CHLSN: variants seen among roughly 807,000 people sequenced by gnomAD.
CHLSN encodes the protein cholesin.
the CHLSN span, among the ~76,000 whole-genome samples, chr7:1,038,220 C>A: frequency 2.2e-5 from 2 of 91,406 alleles, no homozygotes; most frequent in African/African-American, 4.0e-5. Context: ...GGTCAGCCCC[C>A]CCGACCGGCC....
At chr7:1,068,436 G>A in the CHLSN span, among the ~76,000 whole-genome samples, 18 of 152,132 alleles carry the variant, frequency 1.2e-4, no homozygotes, top group South Asian at 4.1e-4. Flanking sequence ...GAGAAACAGC[G>A]CTGAGTTGGA....
At chr7:1,088,745 G>C in the CHLSN span, among the ~76,000 whole-genome samples, 1 of 152,172 alleles carries the variant, frequency 6.6e-6, no homozygotes, top group South Asian at 2.1e-4. The surrounding 1 kb of genome is among the most constrained non-coding windows in gnomAD (Gnocchi z 4.5). Flanking sequence ...ACTAAAGTGT[G>C]GCTTTATTTC....
chr7:1,022,030 C>T, the CHLSN span, among the ~76,000 whole-genome samples: 1 of 152,314 alleles, frequency 6.6e-6, no homozygotes, highest in African/African-American at 2.4e-5. Context: ...ACAGGCGTGG[C>T]GCCTGGGCCA....
At chr7:985,943 G>T in the CHLSN span, among the ~76,000 whole-genome samples, 2 of 152,124 alleles carry the variant, frequency 1.3e-5, no homozygotes, top group African/African-American at 4.8e-5. Context: ...GCGAGAGCAG[G>T]GGGCACAGCT....
the CHLSN span, chr7:988,651 TG>T: frequency 7.8e-5 from 125 of 1,601,852 alleles, no homozygotes; most frequent in Non-Finnish European, 9.2e-5. Context: ...GCGTCTGTGT[TG>T]GGGAGCGCCT....
the CHLSN span, chr7:986,854 AGG>A: frequency 1.4e-6 from 2 of 1,445,860 alleles, no homozygotes; most frequent in Non-Finnish European, 9.1e-7. Flanking sequence ...GGGACACCCC[AGG>A]GGAGCACGGC....
the CHLSN span, chr7:1,056,195 G>A: frequency 1.3e-5 from 2 of 155,936 alleles, no homozygotes; most frequent in East Asian, 1.9e-4. Context: ...TGCCTGCCTG[G>A]CCGAGGAGGT....
the CHLSN span, among the ~76,000 whole-genome samples, chr7:981,307 AAAAAG>A: frequency 2.8e-4 from 42 of 151,666 alleles, no homozygotes; most frequent in South Asian, 6.9e-3. Context: ...AAAAAAAAAA[AAAAAG>A]AAAAGAAAAG....
At chr7:1,032,536 G>A in the CHLSN span, among the ~76,000 whole-genome samples, 1 of 151,142 alleles carries the variant, frequency 6.6e-6, no homozygotes, top group Non-Finnish European at 1.5e-5. Context: ...ACCCCCAGGT[G>A]ACAGTGGCCC....
the CHLSN span, chr7:988,977 C>T: frequency 1.0e-5 from 6 of 590,178 alleles, no homozygotes; most frequent in Admixed American, 3.0e-5. Flanking sequence ...CAACTGCTTC[C>T]GGTTACACCC....
chr7:1,016,836 C>T, the CHLSN span, among the ~76,000 whole-genome samples: 1 of 127,158 alleles, frequency 7.9e-6, no homozygotes, highest in South Asian at 2.5e-4. Context: ...CGCACAGCAG[C>T]GCACGCCAGC....
the CHLSN span, among the ~76,000 whole-genome samples, chr7:1,132,626 C>T: frequency 7.6e-5 from 11 of 145,572 alleles, no homozygotes; most frequent in African/African-American, 1.3e-4. Context: ...CTCTGGAAGT[C>T]GAGGTTGTAA....
chr7:979,890 T>G, the CHLSN span, among the ~76,000 whole-genome samples: 203 of 152,252 alleles, frequency 1.3e-3, no homozygotes, highest in African/African-American at 4.8e-3. Context: ...AAACTAAATT[T>G]CTGGAAACCG....
chr7:1,127,140 C>T, the CHLSN span: 4 of 1,268,872 alleles, frequency 3.2e-6, no homozygotes, highest in Non-Finnish European at 3.2e-6. Context: ...CACGCCTCCG[C>T]ACCTGTTCCA....
At chr7:1,032,933 C>A in the CHLSN span, among the ~76,000 whole-genome samples, 2 of 152,232 alleles carry the variant, frequency 1.3e-5, no homozygotes, top group South Asian at 2.1e-4. Context: ...TGCCCGGATA[C>A]CCCCTCTCTG....
chr7:981,535 G>A, the CHLSN span, among the ~76,000 whole-genome samples: 45 of 150,804 alleles, frequency 3.0e-4, no homozygotes, highest in African/African-American at 1.1e-3. Context: ...CCAACATGGT[G>A]AAACCCCGTC....
chr7:994,312 C>T, the CHLSN span, among the ~76,000 whole-genome samples: 14 of 152,000 alleles, frequency 9.2e-5, no homozygotes, highest in Non-Finnish European at 1.6e-4. Flanking sequence ...AGGCGCCCAC[C>T]ACCACACCCA....
the CHLSN span, chr7:988,189 A>G: frequency 3.4e-5 from 48 of 1,412,114 alleles, no homozygotes; most frequent in East Asian, 5.2e-4. Flanking sequence ...GTGTGGCAGG[A>G]GCTACATCCT....
At chr7:1,003,974 A>G in the CHLSN span, among the ~76,000 whole-genome samples, 1 of 78,754 alleles carries the variant, frequency 1.3e-5, no homozygotes, top group Non-Finnish European at 2.6e-5. Context: ...CCTGTGGGTG[A>G]GTGGAGTCCT....
Sources: allele counts gnomAD v4.1 joint callset (sites outside exome capture counted in the v4.1 genomes callset), GRCh38; gene constraint gnomAD v4.1.1; non-coding constraint Gnocchi (gnomAD v3.1); transcripts MANE v1.5; gene names NCBI Gene and HGNC (gene_info 2026-07-23, HGNC 2026-07-21).